ACTA2: variants seen among roughly 807,000 people sequenced by gnomAD.
The protein encoded by ACTA2 is actin alpha 2, smooth muscle, also known as actin, aortic smooth muscle.
A neutral mutation model predicts 39.5 loss-of-function variants in ACTA2; 12 were observed. That is an observed-to-expected ratio of 0.30 (90% CI 0.19 to 0.49). The LOEUF is 0.49. Among genes scored for constraint, ACTA2 ranks in the 20% least tolerant of loss-of-function variants. The pLI is 0.99. For missense variants in ACTA2, 236 were observed against 498.8 expected (o/e 0.47, Z 5.02); for synonymous variants, 158 against 180.6 (o/e 0.88, Z 1.00).
chr10:88,991,234 G>A, exon 1 of ACTA2: 1 of 504,492 alleles, frequency 2.0e-6, no homozygotes, highest in Non-Finnish European at 3.6e-6. Flanking sequence ...GTGCGGACAG[G>A]AATTGAAGCG....
intron 1 of ACTA2, among the ~76,000 whole-genome samples, chr10:88,987,756 C>G (rs765912631): frequency 1.3e-5 from 2 of 152,216 alleles, no homozygotes; most frequent in Non-Finnish European, 2.9e-5. Flanking sequence ...ACCAATGCCA[C>G]TGTGATGGTT....
chr10:88,983,046 CG>C (rs1006457505), intron 1 of ACTA2, among the ~76,000 whole-genome samples: 4 of 152,052 alleles, frequency 2.6e-5, no homozygotes, highest in African/African-American at 7.2e-5. Context: ...TTAGACCTAC[CG>C]AATCAGAATC....
upstream of ACTA2, among the ~76,000 whole-genome samples, chr10:88,954,275 A>G (rs1191567971): frequency 3.3e-5 from 5 of 152,154 alleles, no homozygotes; most frequent in African/African-American, 1.2e-4. Flanking sequence ...GAATTGCACT[A>G]TTGATTAGAA....
At chr10:88,941,756 C>T in intron 5 of ACTA2, 29 bp downstream of exon 5, 1 of 1,596,068 alleles carries the variant, frequency 6.3e-7, no homozygotes, top group Non-Finnish European at 8.6e-7. Context: ...TGCGCTCCAA[C>T]CAGCTTGCTG....
chr10:88,939,601 A>G lies in ACTA2; in HGVS notation c.714T>C (p.Leu238=). The G allele has an allele frequency of 6.2e-7, 1 of 1,614,062 alleles. No homozygotes were observed. Among genetic ancestry groups the G allele is most frequent in the Middle Eastern group, 1.7e-4 (1 of 6,060 alleles). Residue 238 remains leucine (L), a synonymous_variant, in exon 7 of 9, where the codon CTT becomes CTC. Transcript: ENST00000224784. ...EMATAASSSS[L]EKSYELPDGQ... Reference sequence around the variant, plus strand: ...CATCAGGCAACTCGTAACTCTTCTCAAGGGAGGATGAGGATGCGGCAGTGG... The same window carrying G: ...CATCAGGCAACTCGTAACTCTTCTCGAGGGAGGATGAGGATGCGGCAGTGG...
intron 6 of ACTA2, chr10:88,940,970 G>C: frequency 2.3e-6 from 1 of 432,274 alleles, no homozygotes; most frequent in Non-Finnish European, 4.4e-6. Flanking sequence ...GCTAATGGAG[G>C]GGATTAAAAA....
chr10:88,988,416 GTTTTTTTTT>G (rs748275082), intron 1 of ACTA2, among the ~76,000 whole-genome samples: 1 of 12,482 alleles, frequency 8.0e-5, no homozygotes. Flanking sequence ...AGATGTAGAA[GTTTTTTTTT>G]TTTTTTGTTT....
chr10:88,958,560 G>T (rs993323281), intron 1 of ACTA2, among the ~76,000 whole-genome samples: 7 of 152,182 alleles, frequency 4.6e-5, no homozygotes, highest in Non-Finnish European at 1.0e-4. Context: ...GCACAGAGGT[G>T]TGGGTAGTGG....
chr10:88,947,384 C>A lies in ACTA2; in HGVS notation c.132G>T (p.Gly44=), dbSNP rs776403671. Residue 44 remains glycine, a splice_region_variant and synonymous_variant, in exon 3 of 9, where the codon GGG becomes GGT. Transcript: ENST00000224784. ...PSIVGRPRHQ[G]VMVGMGQKDS... ...CTTTTTGTCCCATTCCCACCATCAC[C>A]CCCTAAAAAGGTTCAACACATTATG... 2 of 1,613,898 alleles carry A rather than the reference C, an allele frequency of 1.2e-6. No homozygotes were observed. The highest frequency in any genetic ancestry group is 1.7e-4 in the Middle Eastern group (1 of 6,058).
chr10:88,973,225 A>C, intron 1 of ACTA2: 3 of 1,612,488 alleles, frequency 1.9e-6, no homozygotes, highest in Non-Finnish European at 2.5e-6. Context: ...ACTGCTTTGG[A>C]GATGGAGCCC....
intron 1 of ACTA2, among the ~76,000 whole-genome samples, chr10:88,984,360 C>A (rs551075067): frequency 3.7e-4 from 56 of 152,256 alleles, no homozygotes; most frequent in Non-Finnish European, 5.9e-4. Flanking sequence ...CCCATACTAC[C>A]TTTCTGCCTG....
intron 1 of ACTA2, among the ~76,000 whole-genome samples, chr10:88,966,991 A>G (rs1010255168): frequency 6.6e-6 from 1 of 152,202 alleles, no homozygotes; most frequent in African/African-American, 2.4e-5. Flanking sequence ...CAGCGCCAAG[A>G]GGGCAGGCTG....
chr10:88,949,456 T>C (rs1019893518), intron 1 of ACTA2, among the ~76,000 whole-genome samples: 4 of 152,212 alleles, frequency 2.6e-5, no homozygotes, highest in Admixed American at 6.5e-5. Flanking sequence ...TGTAAAAATT[T>C]AGAAATGTTA....
At chr10:88,991,185 C>G (rs1847177932) in exon 1 of ACTA2, 3 of 575,046 alleles carry the variant, frequency 5.2e-6, no homozygotes, top group African/African-American at 3.8e-5. Flanking sequence ...TCCGGCGCTC[C>G]TCGGAGACCA....
At chr10:88,945,456 A>G (rs999338507) in intron 3 of ACTA2, among the ~76,000 whole-genome samples, 4 of 152,238 alleles carry the variant, frequency 2.6e-5, no homozygotes, top group African/African-American at 9.6e-5. Flanking sequence ...ATAAAAGGCC[A>G]GATATCGTGA....
At chr10:88,971,531 A>C (rs1564657272) in intron 1 of ACTA2, among the ~76,000 whole-genome samples, 2 of 152,232 alleles carry the variant, frequency 1.3e-5, no homozygotes, top group African/African-American at 4.8e-5. Flanking sequence ...ATACAGGTTT[A>C]GATCCAGATT....
chr10:88,975,350 C>A (rs1846537181), intron 1 of ACTA2, among the ~76,000 whole-genome samples: 1 of 152,180 alleles, frequency 6.6e-6, no homozygotes. Flanking sequence ...TAGCTCCATG[C>A]AGAAAAATTA....
chr10:88,953,826 G>A (rs113346621), upstream of ACTA2, among the ~76,000 whole-genome samples: 6 of 152,124 alleles, frequency 3.9e-5, no homozygotes, highest in African/African-American at 1.2e-4. Flanking sequence ...GCTCTCTCTC[G>A]CCTGCTGCCA....
At chr10:88,969,224 A>G (rs1846379002) in intron 1 of ACTA2, among the ~76,000 whole-genome samples, 2 of 152,224 alleles carry the variant, frequency 1.3e-5, no homozygotes, top group Admixed American at 1.3e-4. Flanking sequence ...TAGGATCAGC[A>G]TAGATTTCCG....
Sources: gnomAD v4.1 joint callset for allele counts (sites outside exome capture counted in the v4.1 genomes callset) on GRCh38, gnomAD v4.1.1 for gene constraint, MANE v1.5 for transcripts, NCBI Gene and HGNC (gene_info 2026-07-23, HGNC 2026-07-21) for gene names.